SPATA45: variants seen among roughly 807,000 people sequenced by gnomAD.
The protein encoded by SPATA45 is spermatogenesis-associated protein 45.
Under a neutral mutation model 7.0 loss-of-function variants are expected in SPATA45, and 5 were observed. The ratio of observed to expected loss-of-function variants is 0.71; its 90% CI spans 0.37 to 1.50. The LOEUF (loss-of-function observed/expected upper bound fraction) is 1.50, where lower values mean the gene tolerates loss of function less well. Ranked by LOEUF, SPATA45 falls within the 40% of genes most tolerant of loss-of-function variation. SPATA45 has a pLI of 0.03. For missense variants in SPATA45, 111 were observed against 114.9 expected (o/e 0.97, Z 0.16); for synonymous variants, 40 against 38.7 (o/e 1.03, Z -0.13).
chr1:212,834,225 T>C (rs1449898332), intron 2 of SPATA45, among the ~76,000 whole-genome samples: 1 of 151,722 alleles, frequency 6.6e-6, no homozygotes, highest in East Asian at 1.9e-4. Context: ...GTGTGGTGAT[T>C]CTTTTGTTTC....
intron 2 of SPATA45, among the ~76,000 whole-genome samples, chr1:212,831,339 C>T (rs1246720161): frequency 6.7e-6 from 1 of 150,374 alleles, no homozygotes; most frequent in African/African-American, 2.4e-5. Context: ...AGCATGGTGG[C>T]ACATGCCTAT....
intron 2 of SPATA45, among the ~76,000 whole-genome samples, chr1:212,835,244 C>T (rs1054536264): frequency 2.0e-5 from 3 of 151,704 alleles, no homozygotes; most frequent in Non-Finnish European, 4.4e-5. Context: ...CTATCATAGG[C>T]CGGGCACGGT....
chr1:212,846,319 G>A (rs990995053), intron 1 of SPATA45, among the ~76,000 whole-genome samples: 3 of 151,940 alleles, frequency 2.0e-5, no homozygotes, highest in Non-Finnish European at 4.4e-5. Context: ...AAAAGTTTTC[G>A]CTGCCTCAAC....
Position 212,836,005 on chromosome 1 carries a change from T to A in SPATA45, c.145A>T (p.Arg49Trp). 6.2e-7 allele frequency: 1 copy of A among 1,611,504 alleles called. No homozygotes were observed. Among genetic ancestry groups the A allele is most frequent in the Non-Finnish European group, 8.5e-7 (1 of 1,178,098 alleles). ...NQVSLLRVQK[R>W]HFPDAYQSFT... ...GACTGATAGGCATCCGGGAAGTGCC[T>A]CTTTTGAACTCTCAGTAAGCTGACT... The change falls in exon 2 of 3, where the codon AGG becomes TGG. Residue 49 changes from arginine (R) to tryptophan (W), a missense_variant. Transcript: ENST00000332912.
rs535816486 is a variant in SPATA45 at position 212,830,540 on chromosome 1, C to T, written c.278-279G>A. ...TACAAAAATTAGCCGGGCGTCGTGG[C>T]GCGCTCCTGTAGTCCCAGCTACTCA... is the stretch of plus-strand genomic sequence containing the variant. On this transcript the variant is annotated intron_variant, in intron 2 of 2. Coordinates refer to ENST00000332912, the MANE Select transcript of SPATA45 (RefSeq NM_001024601.3). Among the ~76,000 whole-genome samples the T allele has an allele frequency of 4.7e-5, 7 of 149,660 alleles. 1 individual carries two copies. Among genetic ancestry groups the T allele is most frequent in the African/African-American group, 7.3e-5 (3 of 40,914 alleles).
At chr1:212,837,026 C>A (rs1388207084) in intron 1 of SPATA45, among the ~76,000 whole-genome samples, 2 of 150,166 alleles carry the variant, frequency 1.3e-5, no homozygotes, top group African/African-American at 4.9e-5. Flanking sequence ...TCAGGGGAAA[C>A]AAAGGTTAAA....
At chr1:212,830,317 G>GT in intron 2 of SPATA45, 56 bp from the exon 3 acceptor site, 1 of 1,098,066 alleles carries the variant, frequency 9.1e-7, no homozygotes, top group Non-Finnish European at 1.3e-6. Flanking sequence ...ACATTTCATG[G>GT]TTTTTAAAAT....
chr1:212,840,302 T>C (rs1158829938), intron 1 of SPATA45, among the ~76,000 whole-genome samples: 1 of 144,832 alleles, frequency 6.9e-6, no homozygotes, highest in Non-Finnish European at 1.6e-5. Flanking sequence ...CCCAGCTACT[T>C]GGAAGGCTGA....
intron 1 of SPATA45, among the ~76,000 whole-genome samples, chr1:212,844,265 T>C (rs1663746072): frequency 6.6e-6 from 1 of 152,156 alleles, no homozygotes; most frequent in African/African-American, 2.4e-5. Context: ...CCACTTACTC[T>C]CTACAGTTCC....
At chr1:212,842,022 A>C (rs1663696660) in intron 1 of SPATA45, among the ~76,000 whole-genome samples, 1 of 151,676 alleles carries the variant, frequency 6.6e-6, no homozygotes, top group African/African-American at 2.4e-5. Context: ...TGGCCTCCCA[A>C]ATTGCTGGGA....
chr1:212,835,721 A>G, intron 2 of SPATA45, 152 bp downstream of exon 2: 2 of 676,284 alleles, frequency 3.0e-6, no homozygotes, highest in African/African-American at 3.7e-5. Flanking sequence ...CTGTATTCCC[A>G]GCTACCTGGG....
chr1:212,830,700 C>T (rs375118658), intron 2 of SPATA45, among the ~76,000 whole-genome samples: 1 of 139,346 alleles, frequency 7.2e-6, no homozygotes, highest in African/African-American at 2.7e-5. Flanking sequence ...CACCAAATGG[C>T]GGCCAGGCGC....
chr1:212,841,202 A>G (rs1663677630), intron 1 of SPATA45, among the ~76,000 whole-genome samples: 1 of 151,814 alleles, frequency 6.6e-6, no homozygotes, highest in African/African-American at 2.4e-5. Context: ...TCTGTCACCC[A>G]GGCTGGAATC....
At chr1:212,843,092 GTCAAACAT>G in intron 1 of SPATA45, among the ~76,000 whole-genome samples, 1 of 97,218 alleles carries the variant, frequency 1.0e-5, no homozygotes, top group Non-Finnish European at 2.2e-5. Flanking sequence ...GCAAGACTCC[GTCAAACAT>G]ACACACACAC....
At chr1:212,845,945 C>G (rs1010376933) in intron 1 of SPATA45, among the ~76,000 whole-genome samples, 2 of 152,126 alleles carry the variant, frequency 1.3e-5, no homozygotes, top group Non-Finnish European at 2.9e-5. Context: ...CATAAAAAAA[C>G]TCAAGGATAG....
intron 2 of SPATA45, among the ~76,000 whole-genome samples, chr1:212,833,828 A>G (rs1663532282): frequency 6.6e-6 from 1 of 151,840 alleles, no homozygotes; most frequent in Non-Finnish European, 1.5e-5. Context: ...ATTTCCTTCA[A>G]GGGTTTTTCC....
intron 2 of SPATA45, among the ~76,000 whole-genome samples, chr1:212,831,379 A>G (rs1271341850): frequency 6.7e-6 from 1 of 149,932 alleles, no homozygotes; most frequent in Admixed American, 6.7e-5. Context: ...GCTGAGAGGT[A>G]GGAGGATCGC....
Position 212,830,145 on chromosome 1 carries a change from G to T in SPATA45, c.*97C>A. 1.1e-6 allele frequency: 1 copy of T among 879,184 alleles called. No individual in the cohort carries two copies. The highest frequency in any genetic ancestry group is 1.8e-6 in the Non-Finnish European group (1 of 566,908). The allele number at this position is 879,184 out of a possible 1,614,324, so 54.5% of individuals were successfully genotyped here. On this transcript the variant is annotated 3_prime_UTR_variant, in exon 3 of 3. Coordinates refer to ENST00000332912, the MANE Select transcript of SPATA45 (RefSeq NM_001024601.3). ...TTTGAGGGATCTAGTGAATACTTTT[G>T]TTTAGCTTTGTTTATAATTAATAAT...
At chr1:212,836,275 C>A in intron 1 of SPATA45, 88 bp from the exon 2 acceptor site, 1 of 1,087,310 alleles carries the variant, frequency 9.2e-7, no homozygotes, top group Non-Finnish European at 1.3e-6. Context: ...CTCTTTTTGC[C>A]TTCTATAAAA....
Sources: gnomAD v4.1 joint callset for allele counts (sites outside exome capture counted in the v4.1 genomes callset) on GRCh38, gnomAD v4.1.1 for gene constraint, MANE v1.5 for transcripts, NCBI Gene and HGNC (gene_info 2026-07-23, HGNC 2026-07-21) for gene names.